The following SMG1 variants were observed in gnomAD, a reference collection of about 807,000 sequenced individuals.
SMG1 encodes SMG1 nonsense mediated mRNA decay associated PI3K related kinase.
In SMG1, 22 loss-of-function variants were observed where a neutral mutation model predicts 419.9. The observed-to-expected ratio is 0.05, with a 90% CI of 0.04 to 0.07. SMG1 has a LOEUF of 0.07. Ranked by LOEUF, SMG1 falls within the 10% of genes least tolerant of loss-of-function variation. SMG1 has a pLI of 1.00. For synonymous variants in SMG1, 1,538 were observed against 1,553.5 expected (o/e 0.99, Z 0.23); for missense variants, 3,185 against 4,342.0 (o/e 0.73, Z 7.49).
intron 10 of SMG1, among the ~76,000 whole-genome samples, chr16:18,881,835 A>T (rs1056440095): frequency 1.3e-5 from 2 of 152,164 alleles, no homozygotes; most frequent in Non-Finnish European, 2.9e-5. Flanking sequence ...TATTCGTAGT[A>T]TGCTGAAAAA....
intron 51 of SMG1, among the ~76,000 whole-genome samples, chr16:18,830,968 G>T (rs914172910): frequency 6.6e-6 from 1 of 152,066 alleles, no homozygotes; most frequent in African/African-American, 2.4e-5. Context: ...ATCCTGTATT[G>T]AAAAATGTCA....
Position 18,852,861 on chromosome 16 carries a change from C to G in SMG1, c.4769-399G>C, listed in dbSNP as rs117020963. On this transcript the variant is annotated intron_variant, in intron 31 of 62. Coordinates refer to ENST00000446231, the MANE Select transcript of SMG1 (RefSeq NM_015092.5). Reference sequence around the variant, plus strand: ...TAAATAGGTGATGAGTATACTGTTTCATTCATACAGACTCATGAGGCAAAC... The same window carrying G: ...TAAATAGGTGATGAGTATACTGTTTGATTCATACAGACTCATGAGGCAAAC... Among the ~76,000 whole-genome samples, 37 of 152,262 alleles carry G rather than the reference C, an allele frequency of 2.4e-4. 1 individual carries two copies. The East Asian group carries it at 7.1e-3, about 29-fold the overall frequency.
At chr16:18,820,645 A>G (rs1413257193) in intron 55 of SMG1, among the ~76,000 whole-genome samples, 1 of 152,204 alleles carries the variant, frequency 6.6e-6, no homozygotes, top group Non-Finnish European at 1.5e-5. Flanking sequence ...ACTTTCCTGC[A>G]TGTCCATGTC....
At chr16:18,911,090 T>C (rs1364006544) in intron 1 of SMG1, among the ~76,000 whole-genome samples, 1 of 152,194 alleles carries the variant, frequency 6.6e-6, no homozygotes, top group African/African-American at 2.4e-5. Context: ...TTTCAACTAG[T>C]AACAAATTCT....
At chr16:18,908,149 T>C (rs2037644184) in intron 1 of SMG1, among the ~76,000 whole-genome samples, 1 of 151,984 alleles carries the variant, frequency 6.6e-6, no homozygotes, top group African/African-American at 2.4e-5. Flanking sequence ...GCAGATTACC[T>C]GAGTTCAGGA....
Position 18,839,809 on chromosome 16 carries a change from A to G in SMG1, c.6834T>C (p.His2278=). 1 of 1,613,982 alleles carries G rather than the reference A, an allele frequency of 6.2e-7. No individual in the cohort carries two copies. Among genetic ancestry groups the G allele is most frequent in the Non-Finnish European group, 8.5e-7 (1 of 1,179,880 alleles). ...LDVSRRDWPL[H]VMKAVLEELM... is the part of the protein sequence containing the mutation. ...ACTCTTCCAATACTGCCTTCATTAC[A>G]TGAAGAGGCCAATCCCGACGGGACA... Residue 2278 remains histidine, a synonymous_variant, in exon 42 of 63, where the codon CAT becomes CAC. Transcript: ENST00000446231.
Position 18,834,326 on chromosome 16 carries a change from C to G in SMG1, c.8443G>C (p.Val2815Leu), listed in dbSNP as rs1237565765. Residue 2815 changes from valine to leucine, a missense_variant, in exon 50 of 63, where the codon GTC becomes CTC. By Grantham distance (32) the Val-to-Leu change is conservative. Around this residue, in one of 27 missense-constraint regions of SMG1, gnomAD observed 412 missense variants for 546.6 expected, o/e 0.75. Coordinates refer to ENST00000446231, the MANE Select transcript of SMG1 (RefSeq NM_015092.5). ...LEELCSMSGN[V>L]TCLVQLLKQC... ...TTCAGTAACTGAACCAAGCAGGTGA[C>G]GTTTCCGCTCATACTGCAGAGTTCC... 1 of 1,613,356 alleles carries G rather than the reference C, an allele frequency of 6.2e-7. No homozygotes were observed. The highest frequency in any genetic ancestry group is 1.1e-5 in the South Asian group (1 of 90,894).
chr16:18,844,766 A>G (rs1462531591), intron 39 of SMG1, among the ~76,000 whole-genome samples: 6 of 152,146 alleles, frequency 3.9e-5, no homozygotes, highest in African/African-American at 1.4e-4. Flanking sequence ...TAAGGAAATC[A>G]GTTAGGAGCA....
At chr16:18,856,369 C>T (rs1246412128) in intron 29 of SMG1, 6 of 135,520 alleles carry the variant, frequency 4.4e-5, no homozygotes, top group African/African-American at 1.7e-4. Context: ...TAGAGTCTCA[C>T]TCTGTTGCCC....
Position 18,815,638 on chromosome 16 carries a change from G to A in SMG1, c.10316C>T (p.Ala3439Val). 6.2e-7 allele frequency: 1 copy of A among 1,613,632 alleles called. No homozygotes were observed. The highest frequency in any genetic ancestry group is 8.5e-7 in the Non-Finnish European group (1 of 1,179,692). Residue 3439 changes from alanine (A) to valine (V), a missense_variant, in exon 59 of 63, where the codon GCT becomes GTT. Ala to Val is a moderately conservative substitution (Grantham distance 64, BLOSUM62 0). This residue lies in a region of SMG1 where 737 missense variants were observed against 846.6 expected (regional missense o/e 0.87). Coordinates refer to ENST00000446231, the MANE Select transcript of SMG1 (RefSeq NM_015092.5). Reference sequence around the variant, plus strand: ...GGGAACATCTTCACCATCTGCCAGAGCAGCTTCTTCATCCTAGAATTGATA... The same window carrying A: ...GGGAACATCTTCACCATCTGCCAGAACAGCTTCTTCATCCTAGAATTGATA... ...LKAMAKDEEA[A>V]LADGEDVPYE... is the part of the protein sequence containing the mutation.
chr16:18,849,568 T>C (rs1421109311), intron 35 of SMG1, among the ~76,000 whole-genome samples, 190 bp from the exon 36 acceptor site: 2 of 152,164 alleles, frequency 1.3e-5, no homozygotes, highest in African/African-American at 4.8e-5. Context: ...CTGGTTAAGG[T>C]TGGTTTAGAT....
chr16:18,880,923 T>TA (rs908055931), intron 10 of SMG1, among the ~76,000 whole-genome samples: 2 of 142,628 alleles, frequency 1.4e-5, no homozygotes, highest in African/African-American at 5.3e-5. Context: ...GCCCAAGAGA[T>TA]AGAGACTGCA....
In SMG1 at chr16:18,864,258, C is replaced by T. The variant is rs1436758693; in HGVS notation, c.3351-114G>A. 9 of 898,710 alleles carry T rather than the reference C, an allele frequency of 1.0e-5. No individual in the cohort carries two copies. In the African/African-American group the frequency reaches 1.1e-4, roughly 11 times the overall value. 55.7% of individuals were successfully genotyped at this position (898,710 alleles called of 1,614,324 possible). A position where few individuals can be genotyped will look rare whatever the true frequency, so the allele number is the denominator to read the frequency against. On this transcript the variant is annotated intron_variant, in intron 23 of 62. Coordinates refer to ENST00000446231, the MANE Select transcript of SMG1 (RefSeq NM_015092.5). ...TTGCCCAGGCTGGAGTGCAATGGCACTGTCTCAGCTCAATGCAACCTCTGC... is the reference window on the plus strand; with the variant it reads ...TTGCCCAGGCTGGAGTGCAATGGCATTGTCTCAGCTCAATGCAACCTCTGC...
At chr16:18,849,102 A>ACCC in intron 36 of SMG1, 115 bp downstream of exon 36, 1 of 323,652 alleles carries the variant, frequency 3.1e-6, no homozygotes, top group Non-Finnish European at 5.2e-6. Context: ...AAAAAAAAAA[A>ACCC]AAAACCCTAC....
At chr16:18,845,037 A>G (rs1567355474) in intron 39 of SMG1, among the ~76,000 whole-genome samples, 1 of 152,240 alleles carries the variant, frequency 6.6e-6, no homozygotes, top group Non-Finnish European at 1.5e-5. Context: ...TATCTGTTAG[A>G]AATACTGAAT....
rs779167623 is a variant in SMG1, at chr16:18,828,183, A to G, written c.9604-15T>C. Reference sequence around the variant, plus strand: ...TCATGTTGCCACTGTTGAGAGAAAAAGAAATGTATTAAAATCAGCAGGAAA... The same window carrying G: ...TCATGTTGCCACTGTTGAGAGAAAAGGAAATGTATTAAAATCAGCAGGAAA... On this transcript the variant is annotated splice_polypyrimidine_tract_variant and intron_variant, in intron 54 of 62. Transcript: ENST00000446231. 4 of 1,610,676 alleles carry G rather than the reference A, an allele frequency of 2.5e-6. No homozygotes were observed. The African/African-American group carries it at 4.0e-5, about 16-fold the overall frequency.
rs535711230 is a variant in SMG1, at chr16:18,872,514, T to C, written c.2001A>G (p.Thr667=). The change falls in exon 14 of 63, where the codon ACA becomes ACG. Residue 667 remains threonine, a synonymous_variant. Transcript: ENST00000446231. ...FPAIQYAVLY[T]LYSHCTRHDH... is the part of the protein sequence containing the mutation. ...AGTACCTGGTACAATGAGAATACAA[T>C]GTGTAGAGCACAGCATACTGAATGG... 1.0e-5 allele frequency: 16 copies of C among 1,543,470 alleles called. No homozygotes were observed. The South Asian group carries it at 1.3e-4, about 13-fold the overall frequency.
At chr16:18,913,939 G>A (rs986058573) in intron 1 of SMG1, among the ~76,000 whole-genome samples, 2 of 152,014 alleles carry the variant, frequency 1.3e-5, no homozygotes, top group African/African-American at 4.8e-5. Context: ...GCCAAGGCAG[G>A]GGGCATCACC....
At position 18,815,664 on chromosome 16, in the gene SMG1, A is replaced by G; in HGVS notation, c.10303-13T>C. ...CAGCTTCTTCATCCTAGAATTGATA[A>G]ATTAATGATTAAGAAAAATAGTTTT... On this transcript the variant is annotated splice_polypyrimidine_tract_variant and intron_variant, in intron 58 of 62. Transcript: ENST00000446231. 1 of 1,605,530 alleles carries G rather than the reference A, an allele frequency of 6.2e-7. No homozygotes were observed. The highest frequency in any genetic ancestry group is 8.5e-7 in the Non-Finnish European group (1 of 1,174,104).
Sources: allele counts gnomAD v4.1 joint callset (sites outside exome capture counted in the v4.1 genomes callset), GRCh38; gene constraint gnomAD v4.1.1; regional missense constraint gnomAD v4.1.1; transcripts MANE v1.5; gene names NCBI Gene and HGNC (gene_info 2026-07-23, HGNC 2026-07-21).